Variants in RPL19 observed in about 807,000 individuals in gnomAD.
RPL19 encodes ribosomal protein L19.
A neutral mutation model predicts 25.1 loss-of-function variants in RPL19; 2 were observed. That is an observed-to-expected ratio of 0.08 (90% CI 0.03 to 0.25). The LOEUF (loss-of-function observed/expected upper bound fraction) is 0.25. RPL19 is among the 10% of genes least tolerant of loss of function. RPL19 has a pLI of 1.00. For missense variants in RPL19, 123 were observed against 271.8 expected, an observed-to-expected ratio of 0.45 and a Z score of 3.85; for synonymous variants, 89 against 91.2, an observed-to-expected ratio of 0.98 and a Z score of 0.14.
In RPL19 at chr17:39,203,236, C is replaced by T; in HGVS notation, c.356+127C>T. On this transcript the variant is annotated intron_variant, in intron 4 of 5. Transcript: ENST00000225430. The stretch of plus-strand genomic sequence containing the variant: ...TTGCTCTGTCACCCAGGCTGGAGTG[C>T]AGTGGCGCGATCTCAGCTCACTACA... The T allele has an allele frequency of 9.3e-6, 9 of 970,872 alleles. No individual in the cohort carries two copies. The South Asian group carries it at 1.4e-4, about 16-fold the overall frequency. 60.1% of individuals were successfully genotyped at this position (970,872 alleles called of 1,614,324 possible).
intron 3 of RPL19, 182 bp from the exon 4 acceptor site, chr17:39,202,807 T>A: frequency 1.5e-6 from 1 of 671,728 alleles, no homozygotes; most frequent in Non-Finnish European, 2.5e-6. Flanking sequence ...CCTTTAAAAT[T>A]GAGTAAACGA....
chr17:39,201,137 G>T (rs764771910), intron 1 of RPL19, 76 bp from the exon 2 acceptor site: 1 of 928,278 alleles, frequency 1.1e-6, no homozygotes, highest in Non-Finnish European at 1.7e-6. Flanking sequence ...GGTCACAAAG[G>T]GCAGGTCTTG....
At chr17:39,203,287 T>C (rs1159233000) in intron 4 of RPL19, among the ~76,000 whole-genome samples, 178 bp downstream of exon 4, 3 of 149,290 alleles carry the variant, frequency 2.0e-5, no homozygotes, top group African/African-American at 5.0e-5. Flanking sequence ...GTTCAAGTTA[T>C]TCTCCTGCCT....
Position 39,201,213 on chromosome 17 carries a change from T to C in RPL19, c.6T>C (p.Ser2=), listed in dbSNP as rs2046285885. 6.2e-7 allele frequency: 1 copy of C among 1,605,794 alleles called. No homozygotes were observed. ...CTAATCATGTTTTCTGTGTGTCTAG[T>C]ATGCTCAGGCTTCAGAAGAGGCTCG... M[S]MLRLQKRLAS... Residue 2 remains serine, a splice_region_variant and synonymous_variant, in exon 2 of 6, where the codon AGT becomes AGC. Transcript: ENST00000225430.
chr17:39,201,718 C>G (rs1213528385), intron 2 of RPL19, among the ~76,000 whole-genome samples: 1 of 151,966 alleles, frequency 6.6e-6, no homozygotes, highest in Non-Finnish European at 1.5e-5. Context: ...GACTAAGGCA[C>G]GTGCCACCAC....
rs943632970 is a variant in RPL19, at chr17:39,200,592, C to T, written c.5+243C>T. 10 of 1,252,788 alleles carry T rather than the reference C, an allele frequency of 8.0e-6. No homozygotes were observed. In the African/African-American group the frequency reaches 1.1e-4, roughly 14 times the overall value. 77.6% of individuals were successfully genotyped at this position (1,252,788 alleles called of 1,614,324 possible). ...GCTGGTGCCGCACCGCACACGTGTC[C>T]GGTCGACCCACGCGAGCAGAGCAAA... On this transcript the variant is annotated intron_variant, in intron 1 of 5. Coordinates refer to ENST00000225430, the MANE Select transcript of RPL19 (RefSeq NM_000981.4).
chr17:39,201,001 A>C, intron 1 of RPL19: 1 of 511,166 alleles, frequency 2.0e-6, no homozygotes, highest in East Asian at 3.2e-5. Context: ...AGAAATGCGA[A>C]CATGAGGCTC....
Position 39,204,167 on chromosome 17 carries a change from G to A in RPL19, c.447G>A (p.Lys149=). 1 of 1,610,164 alleles carries A rather than the reference G, an allele frequency of 6.2e-7. No homozygotes were observed. The change falls in exon 5 of 6, where the codon AAG becomes AAA. Residue 149 remains lysine, a synonymous_variant. Transcript: ENST00000225430. ...ACATCCACAAGCTGAAGGCAGACAA[G>A]GCCCGCAAGAAGCTCCTGGCGTAAG... The part of the protein sequence containing the change: ...MEHIHKLKAD[K]ARKKLLADQA...
chr17:39,203,954 C>G (rs2046307920), intron 4 of RPL19, 123 bp from the exon 5 acceptor site: 3 of 622,692 alleles, frequency 4.8e-6, no homozygotes, highest in African/African-American at 1.8e-5. Context: ...GGAAGTAATT[C>G]ATGCAGCAAT....
intron 1 of RPL19, chr17:39,200,612 A>T (rs2046279834): frequency 3.3e-6 from 4 of 1,230,438 alleles, no homozygotes; most frequent in Non-Finnish European, 4.1e-6. Flanking sequence ...ACGCGAGCAG[A>T]GCAAACGGAG....
At chr17:39,202,118 TCACAAC>T (rs1165003997) in intron 2 of RPL19, among the ~76,000 whole-genome samples, 193 bp from the exon 3 acceptor site, 2 of 152,210 alleles carry the variant, frequency 1.3e-5, no homozygotes, top group African/African-American at 2.4e-5. Flanking sequence ...AGGGTATTTC[TCACAAC>T]CTCTGTTTGT....
Position 39,201,265 on chromosome 17 carries a change from A to C in RPL19, c.58A>C (p.Lys20Gln). The C allele has an allele frequency of 6.2e-7, 1 of 1,613,704 alleles. No homozygotes were observed. Among genetic ancestry groups the C allele is most frequent in the South Asian group, 1.1e-5 (1 of 91,042 alleles). ...CTCTAGTGTCCTCCGCTGTGGCAAGAAGAAGGTCTGGTTAGACCCCAATGA... is the reference window on the plus strand; with the variant it reads ...CTCTAGTGTCCTCCGCTGTGGCAAGCAGAAGGTCTGGTTAGACCCCAATGA... ...LASSVLRCGK[K>Q]KVWLDPNETN... The change falls in exon 2 of 6, where the codon AAG becomes CAG. Residue 20 changes from lysine (K) to glutamine (Q), a missense_variant. Transcript: ENST00000225430.
At chr17:39,202,776 A>G in intron 3 of RPL19, 1 of 614,012 alleles carries the variant, frequency 1.6e-6, no homozygotes, top group Non-Finnish European at 2.8e-6. Context: ...TGAATGGGGA[A>G]TTATTGCTGT....
chr17:39,201,858 CA>C (rs1173531307), intron 2 of RPL19, among the ~76,000 whole-genome samples: 1 of 152,188 alleles, frequency 6.6e-6, no homozygotes, highest in African/African-American at 2.4e-5. Context: ...CGACGTGAGC[CA>C]CCACACCTAG....
chr17:39,203,349 T>C (rs1379466975), intron 4 of RPL19, among the ~76,000 whole-genome samples: 1 of 151,694 alleles, frequency 6.6e-6, no homozygotes, highest in East Asian at 1.9e-4. Context: ...ACCTGGCTAA[T>C]TTTTTGCATT....
chr17:39,200,548 C>G (rs912649542), intron 1 of RPL19, 199 bp downstream of exon 1: 2 of 1,298,528 alleles, frequency 1.5e-6, no homozygotes, highest in South Asian at 2.2e-5. Flanking sequence ...GCAACTGAGA[C>G]CAGGAAAAGT....
intron 3 of RPL19, 104 bp downstream of exon 3, chr17:39,202,543 C>T (rs1321435453): frequency 7.1e-7 from 1 of 1,400,598 alleles, no homozygotes; most frequent in Admixed American, 1.9e-5. Flanking sequence ...CTGTTTCTTA[C>T]TCCTTGATAT....
chr17:39,202,913 G>T (rs2046300734), intron 3 of RPL19, 76 bp from the exon 4 acceptor site: 1 of 1,542,738 alleles, frequency 6.5e-7, no homozygotes, highest in Non-Finnish European at 8.9e-7. Flanking sequence ...ACCCTGACTT[G>T]AAACTATATT....
rs146700565 is a variant in RPL19, at chr17:39,200,368, C to G, written c.5+19C>G. 6.4e-7 allele frequency: 1 copy of G among 1,563,862 alleles called. No homozygotes were observed. On this transcript the variant is annotated intron_variant, in intron 1 of 5. Coordinates refer to ENST00000225430, the MANE Select transcript of RPL19 (RefSeq NM_000981.4). ...CCATGAGGTGAGGGCGAGCTGGTCT[C>G]CATCAGGCGCTGACGCGTGTCGACA...
Sources: gnomAD v4.1 joint callset for allele counts (sites outside exome capture counted in the v4.1 genomes callset) on GRCh38, gnomAD v4.1.1 for gene constraint, MANE v1.5 for transcripts, NCBI Gene and HGNC (gene_info 2026-07-23, HGNC 2026-07-21) for gene names.